RBFOX1: variants seen among roughly 807,000 people sequenced by gnomAD.
RBFOX1 encodes RNA binding fox-1 homolog 1.
A neutral mutation model predicts 57.7 loss-of-function variants in RBFOX1; 8 were observed. The ratio of observed to expected loss-of-function variants is 0.14; its 90% CI spans 0.08 to 0.25. The LOEUF is 0.25. Ranked by LOEUF, RBFOX1 falls within the 10% of genes least tolerant of loss-of-function variation. RBFOX1 has a pLI of 1.00. For synonymous variants in RBFOX1, 326 were observed against 222.4 expected (o/e 1.47, Z -4.15); for missense variants, 611 against 548.5 (o/e 1.11, Z -1.14).
intron 4 of RBFOX1, among the ~76,000 whole-genome samples, chr16:7,211,725 G>A (rs962211944): frequency 2.0e-5 from 3 of 152,178 alleles, no homozygotes; most frequent in South Asian, 4.1e-4. Context: ...TTCAGCTCTC[G>A]TGCCAGGTGG....
intron 1 of RBFOX1, among the ~76,000 whole-genome samples, chr16:6,098,352 C>T (rs974198609): frequency 6.6e-6 from 1 of 152,176 alleles, no homozygotes; most frequent in African/African-American, 2.4e-5. Flanking sequence ...TCCTCTGGCT[C>T]CTGTGAACCT....
At chr16:6,343,530 C>G (rs981281609) in intron 2 of RBFOX1, among the ~76,000 whole-genome samples, 1 of 152,216 alleles carries the variant, frequency 6.6e-6, no homozygotes, top group Admixed American at 6.5e-5. Flanking sequence ...TTCCTGTTCT[C>G]TTTCATTCCT....
rs371872884 is a variant in RBFOX1, at chr16:6,879,082, A to G, written c.-15-172975A>G. 2.6e-5 allele frequency among the ~76,000 whole-genome samples: 4 copies of G among 152,322 alleles called. No individual in the cohort carries two copies. The South Asian group carries it at 8.3e-4, about 32-fold the overall frequency. ...CCCACTCTTTTAAGAAGTTTTCAGAAAGCCAATGAGCTAATAGCTTGAATA... is the reference window on the plus strand; with the variant it reads ...CCCACTCTTTTAAGAAGTTTTCAGAGAGCCAATGAGCTAATAGCTTGAATA... On this transcript the variant is annotated intron_variant, in intron 3 of 15. Coordinates refer to ENST00000550418, the MANE Select transcript of RBFOX1 (RefSeq NM_018723.4).
At chr16:5,538,941 GA>G (rs5815253) in intron 2 of RBFOX1, among the ~76,000 whole-genome samples, 44,030 of 151,992 alleles carry the variant, frequency 0.29, 7,106 homozygotes, top group Non-Finnish European at 0.36. Context: ...TAACTGCTGG[GA>G]GAGGGTTCAG....
intron 4 of RBFOX1, among the ~76,000 whole-genome samples, chr16:7,134,409 C>A (rs557742870): frequency 6.6e-6 from 1 of 152,170 alleles, no homozygotes; most frequent in Non-Finnish European, 1.5e-5. Flanking sequence ...GTGATTACTT[C>A]TTCAGGCATT....
intron 4 of RBFOX1, among the ~76,000 whole-genome samples, chr16:5,964,296 G>A (rs965199167): frequency 3.3e-5 from 5 of 152,132 alleles, no homozygotes; most frequent in Admixed American, 2.0e-4. Flanking sequence ...ACTTGTTGGT[G>A]GGAATGTAAA....
In RBFOX1 at chr16:6,170,427, A is replaced by G. The variant is rs189477339; in HGVS notation, c.-126-146568A>G. ...AATGAGGGAATTAATAAAGTCACCA[A>G]GGAATTGTGGGCTCCTCTTCTGCTC... On this transcript the variant is annotated intron_variant, in intron 1 of 15. Transcript: ENST00000550418. Among the ~76,000 whole-genome samples, 156 of 152,284 alleles carry G rather than the reference A, an allele frequency of 1.0e-3. 1 individual carries two copies. Among genetic ancestry groups the G allele is most frequent in the African/African-American group, 3.1e-3 (129 of 41,574 alleles).
intron 3 of RBFOX1, among the ~76,000 whole-genome samples, chr16:6,780,862 T>C (rs1475930173): frequency 6.6e-6 from 1 of 152,010 alleles, no homozygotes; most frequent in Non-Finnish European, 1.5e-5. Flanking sequence ...TTGTACCAAG[T>C]TGTTTGAGCT....
chr16:7,123,688 T>C lies in RBFOX1; in HGVS notation c.27+71590T>C, dbSNP rs564518810. On this transcript the variant is annotated intron_variant, in intron 4 of 15. Coordinates refer to ENST00000550418, the MANE Select transcript of RBFOX1 (RefSeq NM_018723.4). ...CAAAAATTATCTTTTAAAAGCCATA[T>C]GTTAGGAGCTAGTTTAGGGGAAATA... 2.4e-3 allele frequency among the ~76,000 whole-genome samples: 359 copies of C among 152,252 alleles called. 4 individuals are homozygous for C. Among genetic ancestry groups the C allele is most frequent in the African/African-American group, 8.3e-3 (345 of 41,536 alleles).
intron 3 of RBFOX1, among the ~76,000 whole-genome samples, chr16:7,050,465 C>CGA (rs2049653987): frequency 6.6e-6 from 1 of 151,960 alleles, no homozygotes; most frequent in Non-Finnish European, 1.5e-5. Flanking sequence ...GAGGTTTCAC[C>CGA]ATATTGGCCA....
chr16:5,254,468 G>T (rs1417343710), intron 1 of RBFOX1, among the ~76,000 whole-genome samples: 1 of 152,162 alleles, frequency 6.6e-6, no homozygotes, highest in Non-Finnish European at 1.5e-5. Flanking sequence ...GTAGGAAAGG[G>T]TGGATGTTTA....
rs74006504 is a variant in RBFOX1, at chr16:5,906,434, C to T, written c.351+39099C>T. On this transcript the variant is annotated intron_variant, in intron 4 of 19. Coordinates refer to the RBFOX1 transcript ENST00000641259. Reference sequence around the variant, plus strand: ...ACTACTGCATGCTAGGGTAGAGCTACGGAACAGATCCTGCTTCACAGTCCT... The same window carrying T: ...ACTACTGCATGCTAGGGTAGAGCTATGGAACAGATCCTGCTTCACAGTCCT... 5.1e-3 allele frequency among the ~76,000 whole-genome samples: 780 copies of T among 152,274 alleles called. 8 individuals carry two copies. Among genetic ancestry groups the T allele is most frequent in the African/African-American group, 0.017 (714 of 41,564 alleles).
At chr16:6,564,953 C>T (rs1418789571) in intron 2 of RBFOX1, among the ~76,000 whole-genome samples, 1 of 151,876 alleles carries the variant, frequency 6.6e-6, no homozygotes, top group Non-Finnish European at 1.5e-5. Flanking sequence ...TCAGCTTGGC[C>T]AACATGGTGA....
intron 3 of RBFOX1, among the ~76,000 whole-genome samples, chr16:6,925,970 C>T (rs895518088): frequency 6.6e-6 from 1 of 151,968 alleles, no homozygotes; most frequent in African/African-American, 2.4e-5. Context: ...AGTCTGTAGT[C>T]CTGGAAACCA....
At chr16:7,068,575 CTATTAT>C (rs1265087732) in intron 4 of RBFOX1, among the ~76,000 whole-genome samples, 4 of 151,950 alleles carry the variant, frequency 2.6e-5, no homozygotes, top group Non-Finnish European at 5.9e-5. Context: ...CTCTTTGATA[CTATTAT>C]TATTATTATT....
intron 3 of RBFOX1, among the ~76,000 whole-genome samples, chr16:5,678,437 C>G (rs2050230970): frequency 6.6e-6 from 1 of 152,104 alleles, no homozygotes; most frequent in East Asian, 1.9e-4. Flanking sequence ...AACAAGAACC[C>G]TAATCAATAT....
rs139204158 is a variant in RBFOX1 at position 6,314,094 on chromosome 16, A to T, written c.-126-2901A>T. Among the ~76,000 whole-genome samples, 914 of 152,262 alleles carry T rather than the reference A, an allele frequency of 6.0e-3. 14 individuals are homozygous for T. Among genetic ancestry groups the T allele is most frequent in the African/African-American group, 0.021 (886 of 41,544 alleles). ...TGGACTCAGATGGACATGAAATTCA[A>T]TGTTATTACCTGGGTACCAAGTACG... On this transcript the variant is annotated intron_variant, in intron 1 of 15. Coordinates refer to ENST00000550418, the MANE Select transcript of RBFOX1 (RefSeq NM_018723.4).
chr16:6,843,299 C>A (rs577979774), intron 3 of RBFOX1, among the ~76,000 whole-genome samples: 13 of 152,004 alleles, frequency 8.6e-5, no homozygotes, highest in African/African-American at 2.4e-4. Flanking sequence ...ACAGAGTGGC[C>A]ATGGTGGTCT....
At chr16:5,711,343 T>C (rs148480494) in intron 3 of RBFOX1, among the ~76,000 whole-genome samples, 62 of 152,338 alleles carry the variant, frequency 4.1e-4, no homozygotes, top group Non-Finnish European at 6.9e-4. Flanking sequence ...GTCACACAGC[T>C]AGTAAGTGGC....
Sources: gnomAD v4.1 joint callset for allele counts (sites outside exome capture counted in the v4.1 genomes callset) on GRCh38, gnomAD v4.1.1 for gene constraint, MANE v1.5 for transcripts, NCBI Gene and HGNC (gene_info 2026-07-23, HGNC 2026-07-21) for gene names.